CHD2: variants seen among roughly 807,000 people sequenced by gnomAD.
CHD2 encodes chromodomain helicase DNA binding protein 2.
In CHD2, 28 loss-of-function variants were observed where a neutral mutation model predicts 243.9. That is an observed-to-expected ratio of 0.11 (90% CI 0.09 to 0.16). CHD2 has a LOEUF of 0.16. CHD2 is among the 10% of genes least tolerant of loss of function. The pLI is 1.00. For missense variants in CHD2, 1,386 were observed against 2,209.8 expected, an observed-to-expected ratio of 0.63 and a Z score of 7.47; for synonymous variants, 775 against 779.0, an observed-to-expected ratio of 0.99 and a Z score of 0.09.
intron 6 of CHD2, among the ~76,000 whole-genome samples, chr15:92,938,155 A>G (rs892361007): frequency 2.0e-5 from 3 of 152,240 alleles, no homozygotes; most frequent in Admixed American, 2.0e-4. Flanking sequence ...TCAGCAAACT[A>G]TGCCCTTTGG....
chr15:92,971,236 C>T (rs1359428561), intron 17 of CHD2, among the ~76,000 whole-genome samples: 1 of 152,138 alleles, frequency 6.6e-6, no homozygotes, highest in East Asian at 1.9e-4. Context: ...TTGCTTTATA[C>T]TTACTAGTTA....
chr15:92,967,776 A>G (rs774907117), intron 17 of CHD2, among the ~76,000 whole-genome samples: 15 of 151,978 alleles, frequency 9.9e-5, no homozygotes, highest in South Asian at 8.3e-4. Context: ...TGATCCGCCC[A>G]CCTCGGCCTC....
At position 93,004,935 on chromosome 15, in the gene CHD2, G is replaced by A. The variant is rs2054301397; in HGVS notation, c.4413+184G>A. ...CAGGCTGGCAGGAAGAGATTTTCTT[G>A]TCTTTTATTGAGGGGAAGTTTAAGG... On this transcript the variant is annotated intron_variant, in intron 34 of 38. Coordinates refer to ENST00000394196, the MANE Select transcript of CHD2 (RefSeq NM_001271.4). Among the ~76,000 whole-genome samples the A allele has an allele frequency of 1.3e-5, 2 of 152,168 alleles. 1 individual carries two copies. Among genetic ancestry groups the A allele is most frequent in the African/African-American group, 4.8e-5 (2 of 41,442 alleles).
At chr15:92,907,323 C>T (rs553871834) in intron 2 of CHD2, among the ~76,000 whole-genome samples, 1 of 152,262 alleles carries the variant, frequency 6.6e-6, no homozygotes, top group East Asian at 1.9e-4. Flanking sequence ...TTTGGTATTT[C>T]AACATGTTCT....
At chr15:92,957,657 T>C (rs1212865041) in intron 16 of CHD2, among the ~76,000 whole-genome samples, 3 of 152,094 alleles carry the variant, frequency 2.0e-5, no homozygotes, top group African/African-American at 7.2e-5. Flanking sequence ...ACAATCTTTT[T>C]TTTTTTAATT....
chr15:92,942,962 T>C lies in CHD2; in HGVS notation c.946T>C (p.Tyr316His), dbSNP rs1412224406. ...QYLIKWKGWS[Y>H]IHSTWESEES... Reference sequence around the variant, plus strand: ...CCTCATCAAGTGGAAGGGTTGGTCTTACATCCACAGCACATGGGAGAGTGA... The same window carrying C: ...CCTCATCAAGTGGAAGGGTTGGTCTCACATCCACAGCACATGGGAGAGTGA... Residue 316 changes from tyrosine (Y) to histidine (H), a missense_variant, in exon 9 of 39, where the codon TAC (tyrosine) becomes CAC (histidine). Coordinates refer to ENST00000394196, the MANE Select transcript of CHD2 (RefSeq NM_001271.4). 1 of 1,614,056 alleles carries C rather than the reference T, an allele frequency of 6.2e-7. No individual in the cohort carries two copies. The highest frequency in any genetic ancestry group is 8.5e-7 in the Non-Finnish European group (1 of 1,179,964).
At chr15:92,970,123 A>G (rs551315111) in intron 17 of CHD2, among the ~76,000 whole-genome samples, 2 of 152,270 alleles carry the variant, frequency 1.3e-5, no homozygotes, top group East Asian at 3.9e-4. Context: ...AGGCAAAGCT[A>G]CAAAGCCTGG....
chr15:92,918,803 A>G (rs1390001309), intron 2 of CHD2, among the ~76,000 whole-genome samples: 1 of 151,482 alleles, frequency 6.6e-6, no homozygotes, highest in Non-Finnish European at 1.5e-5. Context: ...CGCTATATAT[A>G]CACACATATA....
chr15:92,974,991 C>G (rs759399623), intron 20 of CHD2, 41 bp downstream of exon 20: 9 of 1,524,762 alleles, frequency 5.9e-6, no homozygotes, highest in Non-Finnish European at 6.4e-6. Flanking sequence ...AACTTGGGCT[C>G]TGCATCAAGG....
chr15:92,989,774 T>C (rs1477743314), intron 26 of CHD2, among the ~76,000 whole-genome samples: 8 of 152,154 alleles, frequency 5.3e-5, no homozygotes, highest in Admixed American at 2.0e-4. Flanking sequence ...ACTCTGACAG[T>C]GAGTCCAAGA....
At chr15:92,902,881 G>A (rs2052549868) in intron 2 of CHD2, 1 of 152,172 alleles carries the variant, frequency 6.6e-6, no homozygotes, top group Non-Finnish European at 1.5e-5. Context: ...TGATCAGACT[G>A]TGCTTTCTAA....
chr15:92,996,699 A>G (rs908888060), intron 28 of CHD2, among the ~76,000 whole-genome samples: 7 of 152,336 alleles, frequency 4.6e-5, no homozygotes, highest in African/African-American at 1.7e-4. Context: ...GTAGTATAAA[A>G]CAAGCAGGAA....
At chr15:92,941,158 C>T (rs1303220102) in intron 7 of CHD2, among the ~76,000 whole-genome samples, 3 of 150,894 alleles carry the variant, frequency 2.0e-5, no homozygotes, top group African/African-American at 7.3e-5. Context: ...CCCACCATGC[C>T]GGCTAATTTT....
chr15:92,924,402 A>G lies in CHD2; in HGVS notation c.144A>G (p.Gly48=). 1 of 1,614,156 alleles carries G rather than the reference A, an allele frequency of 6.2e-7. No homozygotes were observed. Among genetic ancestry groups the G allele is most frequent in the South Asian group, 1.1e-5 (1 of 91,086 alleles). The change falls in exon 3 of 39, where the codon GGA becomes GGG. Residue 48 remains glycine (G), a synonymous_variant. Coordinates refer to ENST00000394196, the MANE Select transcript of CHD2 (RefSeq NM_001271.4). ...ESEQGSDPGS[G]HGSESNSSSE... ...AGCAGGGAAGTGATCCAGGAAGTGG[A>G]CATGGCAGCGAGTCGAACAGCAGCT...
intron 32 of CHD2, 29 bp downstream of exon 32, chr15:93,000,669 A>T: frequency 6.3e-7 from 1 of 1,592,300 alleles, no homozygotes; most frequent in Non-Finnish European, 8.6e-7. Flanking sequence ...GTTGAGGGTT[A>T]TTTATTTATT....
intron 24 of CHD2, among the ~76,000 whole-genome samples, chr15:92,983,554 G>T (rs755598856): frequency 6.6e-6 from 1 of 152,104 alleles, no homozygotes. Flanking sequence ...AGAAGAATGC[G>T]GAGCCAGGCT....
Position 92,997,580 on chromosome 15 carries a change from G to A in CHD2, c.3885+177G>A. On this transcript the variant is annotated intron_variant, in intron 30 of 38. Coordinates refer to ENST00000394196, the MANE Select transcript of CHD2 (RefSeq NM_001271.4). The surrounding 1 kb of genome is among the most constrained non-coding windows in gnomAD (Gnocchi z 4.1). ...GCACTGTTTCACGGATGAAGATAAA[G>A]GGAAAAGACAGTAGCCAGGTGAAAT... 1 of 530,330 alleles carries A rather than the reference G, an allele frequency of 1.9e-6. No individual in the cohort carries two copies. 32.9% of individuals were successfully genotyped at this position (530,330 alleles called of 1,614,324 possible).
chr15:92,904,700 C>T lies in CHD2; in HGVS notation c.62+3401C>T, dbSNP rs1455288800. The T allele has an allele frequency of 5.8e-6, 8 of 1,378,666 alleles. 1 individual carries two copies. In the African/African-American group the frequency reaches 5.9e-5, roughly 10 times the overall value. The allele number at this position is 1,378,666 out of a possible 1,614,324, so 85.4% of individuals were successfully genotyped here. ...AGGCACTATTTATAAATTTTAAAGGCACTATTTGGAAATCTTAAAATAGAA... is the reference window on the plus strand; with the variant it reads ...AGGCACTATTTATAAATTTTAAAGGTACTATTTGGAAATCTTAAAATAGAA... On this transcript the variant is annotated intron_variant, in intron 2 of 38. Coordinates refer to ENST00000394196, the MANE Select transcript of CHD2 (RefSeq NM_001271.4).
intron 17 of CHD2, among the ~76,000 whole-genome samples, chr15:92,970,120 G>A (rs1027766955): frequency 6.6e-6 from 1 of 152,122 alleles, no homozygotes; most frequent in Non-Finnish European, 1.5e-5. Context: ...CAAAGGCAAA[G>A]CTACAAAGCC....
Sources: allele counts gnomAD v4.1 joint callset (sites outside exome capture counted in the v4.1 genomes callset), GRCh38; gene constraint gnomAD v4.1.1; non-coding constraint Gnocchi (gnomAD v3.1); transcripts MANE v1.5; gene names NCBI Gene and HGNC (gene_info 2026-07-23, HGNC 2026-07-21).